ETV6: variants seen among roughly 807,000 people sequenced by gnomAD.
ETV6 encodes ETS variant transcription factor 6, also known as transcription factor ETV6.
In ETV6, 16 loss-of-function variants were observed where a neutral mutation model predicts 51.1. The ratio of observed to expected loss-of-function variants is 0.31; its 90% CI spans 0.21 to 0.48. The LOEUF (loss-of-function observed/expected upper bound fraction) is 0.48. ETV6 is among the 20% of genes least tolerant of loss of function. The pLI is 0.99. For missense variants in ETV6, 458 were observed against 594.8 expected, an observed-to-expected ratio of 0.77 and a Z score of 2.39; for synonymous variants, 240 against 224.1, an observed-to-expected ratio of 1.07 and a Z score of -0.64.
chr12:11,846,855 G>GTTGT (rs994281106), intron 3 of ETV6, among the ~76,000 whole-genome samples: 2 of 152,246 alleles, frequency 1.3e-5, no homozygotes, highest in Non-Finnish European at 1.5e-5. Context: ...TTTGTTTTTT[G>GTTGT]TTGTTTGTTT....
At chr12:11,859,298 T>C (rs771713922) in intron 4 of ETV6, among the ~76,000 whole-genome samples, 14 of 151,686 alleles carry the variant, frequency 9.2e-5, no homozygotes, top group Admixed American at 9.2e-4. Flanking sequence ...TCCGCCACCA[T>C]GCCCGGCTAA....
intron 2 of ETV6, among the ~76,000 whole-genome samples, chr12:11,838,289 G>A (rs1946343989): frequency 6.6e-6 from 1 of 152,202 alleles, no homozygotes; most frequent in Admixed American, 6.5e-5. Context: ...TGGGTCCCAA[G>A]ATCACATTTT....
At chr12:11,719,045 T>G (rs1865331566) in intron 1 of ETV6, among the ~76,000 whole-genome samples, 1 of 152,252 alleles carries the variant, frequency 6.6e-6, no homozygotes, top group African/African-American at 2.4e-5. Context: ...GTGTGATTTC[T>G]CTGGCATCTC....
chr12:11,830,291 T>C (rs551539814), intron 2 of ETV6, among the ~76,000 whole-genome samples: 1 of 152,334 alleles, frequency 6.6e-6, no homozygotes, highest in Admixed American at 6.5e-5. Context: ...ATTTTTACAG[T>C]GCATTTTAGA....
intron 2 of ETV6, among the ~76,000 whole-genome samples, chr12:11,804,173 C>T (rs1298112859): frequency 6.6e-6 from 1 of 152,146 alleles, no homozygotes; most frequent in Non-Finnish European, 1.5e-5. Context: ...GATATGACCC[C>T]TGCCTTCATG....
chr12:11,779,769 A>C (rs1458582521), intron 2 of ETV6, among the ~76,000 whole-genome samples: 1 of 152,228 alleles, frequency 6.6e-6, no homozygotes, highest in Non-Finnish European at 1.5e-5. Flanking sequence ...AGTTTTTATT[A>C]GAAAATTGGT....
At chr12:11,742,321 G>A (rs577744583) in intron 1 of ETV6, among the ~76,000 whole-genome samples, 14 of 152,284 alleles carry the variant, frequency 9.2e-5, no homozygotes, top group Admixed American at 3.9e-4. Flanking sequence ...TTAGTTGTCA[G>A]AAACAAAACT....
chr12:11,729,576 G>T (rs1040172185), intron 1 of ETV6, among the ~76,000 whole-genome samples: 1 of 152,164 alleles, frequency 6.6e-6, no homozygotes, highest in Non-Finnish European at 1.5e-5. Flanking sequence ...TGTTTGGTAT[G>T]ACTGTTGGCA....
chr12:11,891,063 C>T lies in ETV6; in HGVS notation c.*17C>T. 6.3e-7 allele frequency: 1 copy of T among 1,592,926 alleles called. No homozygotes were observed. The highest frequency in any genetic ancestry group is 8.6e-7 in the Non-Finnish European group (1 of 1,161,358). ...GAATGCTGAAGGAACCAACAGTCCA[C>T]CTCAGCGGGCCAGCAGCCCAGGGAA... On this transcript the variant is annotated 3_prime_UTR_variant, in exon 8 of 8. Transcript: ENST00000396373.
Position 11,651,588 on chromosome 12 carries a change from C to T in ETV6, c.33+1428C>T, listed in dbSNP as rs372601236. On this transcript the variant is annotated intron_variant, in intron 1 of 7. Coordinates refer to ENST00000396373, the MANE Select transcript of ETV6 (RefSeq NM_001987.5). ...AGTATGTATGTCTGTGGGCATGGGG[C>T]GTGCCACACTAAAGAACTTAGGGTA... Among the ~76,000 whole-genome samples the T allele has an allele frequency of 3.3e-5, 5 of 152,168 alleles. No homozygotes were observed. In the East Asian group the frequency reaches 7.7e-4, roughly 23 times the overall value.
At chr12:11,884,295 G>A (rs763294126) in intron 5 of ETV6, 150 bp from the exon 6 acceptor site, 27 of 888,684 alleles carry the variant, frequency 3.0e-5, no homozygotes, top group East Asian at 2.5e-4. Flanking sequence ...CTGGGCCTCC[G>A]TTTCTTCCCG....
intron 5 of ETV6, among the ~76,000 whole-genome samples, chr12:11,870,611 G>C (rs1268295906): frequency 5.3e-5 from 8 of 152,160 alleles, no homozygotes; most frequent in African/African-American, 1.9e-4. Flanking sequence ...TAATTTACAT[G>C]AACTCATTCT....
chr12:11,835,384 C>A (rs1946302668), intron 2 of ETV6, among the ~76,000 whole-genome samples: 1 of 152,180 alleles, frequency 6.6e-6, no homozygotes, highest in South Asian at 2.1e-4. Flanking sequence ...TCCTAATGAT[C>A]ATTAACATCT....
intron 2 of ETV6, among the ~76,000 whole-genome samples, chr12:11,784,258 C>T (rs1365407808): frequency 1.3e-5 from 2 of 152,044 alleles, no homozygotes; most frequent in East Asian, 1.9e-4. Flanking sequence ...GTTGAAACCC[C>T]GTCTTCACTA....
chr12:11,751,853 T>A lies in ETV6; in HGVS notation c.34-597T>A, dbSNP rs74829792. 5.6e-3 allele frequency: 2,845 copies of A among 510,038 alleles called. 64 individuals carry two copies. Among genetic ancestry groups the A allele is most frequent in the African/African-American group, 0.051 (2,627 of 51,614 alleles). The allele number at this position is 510,038 out of a possible 1,614,324, so 31.6% of individuals were successfully genotyped here. A position where few individuals can be genotyped will look rare whatever the true frequency, so the allele number is the denominator to read the frequency against. On this transcript the variant is annotated intron_variant, in intron 1 of 7. Transcript: ENST00000396373. ...TAATTCCTAGCAATGAAGGAAAAAA[T>A]TAGACGTTGGATATTTTTGGTTGTG...
chr12:11,808,450 A>AC (rs1487634007), intron 2 of ETV6, among the ~76,000 whole-genome samples: 1 of 152,014 alleles, frequency 6.6e-6, no homozygotes, highest in African/African-American at 2.4e-5. Context: ...AAAACAAAAA[A>AC]AAAAAACCCA....
At chr12:11,738,883 G>C (rs1394725659) in intron 1 of ETV6, among the ~76,000 whole-genome samples, 1 of 152,160 alleles carries the variant, frequency 6.6e-6, no homozygotes, top group Non-Finnish European at 1.5e-5. Flanking sequence ...AGCTCTAAGA[G>C]TTGTGGCTGC....
At chr12:11,872,585 C>A (rs1946898085) in intron 5 of ETV6, among the ~76,000 whole-genome samples, 1 of 151,362 alleles carries the variant, frequency 6.6e-6, no homozygotes, top group African/African-American at 2.4e-5. Context: ...CCTCTGCGTC[C>A]TAGGTTCAAG....
chr12:11,836,341 G>A (rs967339774), intron 2 of ETV6, among the ~76,000 whole-genome samples: 45 of 152,180 alleles, frequency 3.0e-4, no homozygotes, highest in African/African-American at 1.0e-3. Context: ...GAGCAGCGAC[G>A]CTGATAAATG....
Sources: allele counts gnomAD v4.1 joint callset (sites outside exome capture counted in the v4.1 genomes callset), GRCh38; gene constraint gnomAD v4.1.1; transcripts MANE v1.5; gene names NCBI Gene and HGNC (gene_info 2026-07-23, HGNC 2026-07-21).